Variants in B3GALT5 observed in about 807,000 individuals in gnomAD.
B3GALT5 encodes the protein beta-1,3-galactosyltransferase 5.
For missense variants in B3GALT5, 328 were observed against 396.6 expected (o/e 0.83, Z 1.47); for synonymous variants, 156 against 158.6 (o/e 0.98, Z 0.12).
rs75587370 is a variant in B3GALT5 at position 39,634,552 on chromosome 21, G to A, written c.-391-11840G>A. 8.7e-3 allele frequency among the ~76,000 whole-genome samples: 1,327 copies of A among 151,928 alleles called. 18 individuals carry two copies. Among genetic ancestry groups the A allele is most frequent in the African/African-American group, 0.031 (1,276 of 41,408 alleles). ...TATGTCTACTCTTTTACTGCGGGTCGCTCACATCTATAAATGACGGTCTAG... is the reference window on the plus strand; with the variant it reads ...TATGTCTACTCTTTTACTGCGGGTCACTCACATCTATAAATGACGGTCTAG... On this transcript the variant is annotated intron_variant, in intron 1 of 3. Transcript: ENST00000684187.
At chr21:39,639,288 C>CTCTTTCTTTCTCTTTCTTTCTT (rs2079254754) in intron 1 of B3GALT5, among the ~76,000 whole-genome samples, 1 of 98,428 alleles carries the variant, frequency 1.0e-5, no homozygotes, top group African/African-American at 3.6e-5. Flanking sequence ...AGGCATCTGG[C>CTCTTTCTTTCTCTTTCTTTCTT]TCTTTCTTTC....
intron 2 of B3GALT5, among the ~76,000 whole-genome samples, chr21:39,654,960 AT>A (rs1430981802): frequency 1.3e-5 from 2 of 152,298 alleles, no homozygotes; most frequent in Non-Finnish European, 2.9e-5. Context: ...CTTTTATGAT[AT>A]TTGCTTTATT....
At chr21:39,615,493 A>G (rs2079102821) in intron 1 of B3GALT5, among the ~76,000 whole-genome samples, 1 of 152,236 alleles carries the variant, frequency 6.6e-6, no homozygotes, top group Non-Finnish European at 1.5e-5. Context: ...CACATCCTTA[A>G]TAGAAGACAT....
chr21:39,648,624 G>A (rs1191431662), intron 2 of B3GALT5, among the ~76,000 whole-genome samples: 4 of 152,174 alleles, frequency 2.6e-5, no homozygotes, highest in Non-Finnish European at 5.9e-5. Context: ...GACCCCCATG[G>A]CCACTCCCCA....
intron 1 of B3GALT5, among the ~76,000 whole-genome samples, chr21:39,642,744 A>G (rs1164810215): frequency 6.6e-6 from 1 of 152,198 alleles, no homozygotes; most frequent in African/African-American, 2.4e-5. Flanking sequence ...CCTATTTTAA[A>G]TATTTTGTTG....
At chr21:39,628,651 C>T (rs1404643653) in intron 1 of B3GALT5, among the ~76,000 whole-genome samples, 1 of 152,210 alleles carries the variant, frequency 6.6e-6, no homozygotes, top group Non-Finnish European at 1.5e-5. Context: ...TGACCTTTCA[C>T]CAGTTTCTGT....
intron 2 of B3GALT5, among the ~76,000 whole-genome samples, 153 bp from the exon 3 acceptor site, chr21:39,659,600 A>G (rs1289930072): frequency 6.6e-6 from 1 of 152,200 alleles, no homozygotes; most frequent in Non-Finnish European, 1.5e-5. Flanking sequence ...CCCATTTTAC[A>G]GATGAGAAAA....
rs1262530142 is a variant in B3GALT5 at position 39,661,244 on chromosome 21, G to T, written c.685G>T (p.Val229Leu). ...GTTTTCTGGCGACGTGGCGAGTCAG[G>T]TGTACAATGTCTCCAAGAGCGTCCC... Reference protein sequence around the residue: ...YVFSGDVASQVYNVSKSVPYI... With the variant: ...YVFSGDVASQLYNVSKSVPYI... The change falls in exon 4 of 4, where the codon GTG (valine) becomes TTG (leucine). Residue 229 changes from valine to leucine, a missense_variant. Val to Leu is a conservative substitution (Grantham distance 32). Coordinates refer to ENST00000684187, the MANE Select transcript of B3GALT5 (RefSeq NM_001356336.2). This position sits in a 1 kb window ranked among gnomAD's most constrained non-coding sequence, Gnocchi z 4.7. 2 of 1,614,052 alleles carry T rather than the reference G, an allele frequency of 1.2e-6. No individual in the cohort carries two copies. Among genetic ancestry groups the T allele is most frequent in the South Asian group, 2.2e-5 (2 of 91,090 alleles).
intron 1 of B3GALT5, among the ~76,000 whole-genome samples, chr21:39,620,916 T>C (rs2079131313): frequency 6.6e-6 from 1 of 152,236 alleles, no homozygotes; most frequent in African/African-American, 2.4e-5. Flanking sequence ...ATTTCTTATA[T>C]ACATCTTTTC....
At chr21:39,625,921 CT>C (rs1162261996) in intron 1 of B3GALT5, among the ~76,000 whole-genome samples, 4 of 152,158 alleles carry the variant, frequency 2.6e-5, no homozygotes, top group Non-Finnish European at 5.9e-5. Flanking sequence ...ACCCCTAACT[CT>C]TTTAAAATTG....
At chr21:39,628,988 A>T (rs1279363126) in intron 1 of B3GALT5, among the ~76,000 whole-genome samples, 1 of 152,010 alleles carries the variant, frequency 6.6e-6, no homozygotes, top group Non-Finnish European at 1.5e-5. Context: ...TGGATTCCAC[A>T]TGCAGAACTC....
chr21:39,615,350 G>C (rs1156298747), intron 1 of B3GALT5, among the ~76,000 whole-genome samples: 1 of 152,212 alleles, frequency 6.6e-6, no homozygotes, highest in Non-Finnish European at 1.5e-5. Flanking sequence ...ATGATTTATA[G>C]AGATTTTGAG....
At chr21:39,632,040 T>C (rs750859543) in intron 1 of B3GALT5, among the ~76,000 whole-genome samples, 13 of 152,236 alleles carry the variant, frequency 8.5e-5, no homozygotes, top group Non-Finnish European at 1.5e-4. Context: ...GGATTGCCAC[T>C]GTGAAGTTTC....
chr21:39,624,575 G>A (rs1230738889), intron 1 of B3GALT5, among the ~76,000 whole-genome samples: 1 of 152,116 alleles, frequency 6.6e-6, no homozygotes, highest in African/African-American at 2.4e-5. Flanking sequence ...ATAAATGAAG[G>A]AATTGAGGAA....
intron 2 of B3GALT5, among the ~76,000 whole-genome samples, chr21:39,655,039 G>A (rs2079429003): frequency 6.6e-6 from 1 of 152,126 alleles, no homozygotes. Flanking sequence ...AATTTATCAT[G>A]AGGAAATGCT....
chr21:39,652,037 C>T (rs2079400348), intron 2 of B3GALT5, among the ~76,000 whole-genome samples: 1 of 152,148 alleles, frequency 6.6e-6, no homozygotes, highest in Non-Finnish European at 1.5e-5. Context: ...TTAACTGGCT[C>T]TGGAAAGAGC....
intron 1 of B3GALT5, among the ~76,000 whole-genome samples, chr21:39,635,921 T>C (rs1437831397): frequency 6.6e-6 from 1 of 152,254 alleles, no homozygotes; most frequent in Non-Finnish European, 1.5e-5. Flanking sequence ...ATAGCTTTTT[T>C]ATTCCCTTTG....
rs2146221336 is a variant in B3GALT5, at chr21:39,661,336, G to C, written c.777G>C (p.Glu259Asp). The C allele has an allele frequency of 6.2e-7, 1 of 1,613,508 alleles. No homozygotes were observed. Among genetic ancestry groups the C allele is most frequent in the East Asian group, 2.2e-5 (1 of 44,874 alleles). Residue 259 changes from glutamate (E) to aspartate (D), a missense_variant, in exon 4 of 4, where the codon GAG becomes GAC. Transcript: ENST00000684187. The surrounding 1 kb of genome is among the most constrained non-coding windows in gnomAD (Gnocchi z 4.7). ...AAAGGCTGAACATCAGATTGGAGGA[G>C]CTCCACTCCCAGCCGACCTTTTTTC... ...CLERLNIRLE[E>D]LHSQPTFFPG... is the part of the protein sequence containing the mutation.
chr21:39,626,504 T>C (rs937530177), intron 1 of B3GALT5, among the ~76,000 whole-genome samples: 1 of 152,168 alleles, frequency 6.6e-6, no homozygotes, highest in African/African-American at 2.4e-5. Flanking sequence ...GGAGCTGTGA[T>C]ATCATTTTCC....
Sources: allele counts gnomAD v4.1 joint callset (sites outside exome capture counted in the v4.1 genomes callset), GRCh38; gene constraint gnomAD v4.1.1; non-coding constraint Gnocchi (gnomAD v3.1); transcripts MANE v1.5; gene names NCBI Gene and HGNC (gene_info 2026-07-23, HGNC 2026-07-21).